Variants in ZBTB16 observed in about 807,000 individuals in gnomAD.
The protein encoded by ZBTB16 is zinc finger and BTB domain containing 16.
Under a neutral mutation model 56.8 loss-of-function variants are expected in ZBTB16, and 8 were observed. That is an observed-to-expected ratio of 0.14 (90% CI 0.08 to 0.25). The LOEUF is 0.25. Ranked by LOEUF, ZBTB16 falls within the 10% of genes least tolerant of loss-of-function variation. ZBTB16 has a pLI of 1.00. For synonymous variants in ZBTB16, 363 were observed against 368.5 expected (o/e 0.98, Z 0.17); for missense variants, 625 against 903.0 (o/e 0.69, Z 3.95).
At chr11:114,247,701 G>T (rs2135212054) in intron 6 of ZBTB16, among the ~76,000 whole-genome samples, 1 of 152,274 alleles carries the variant, frequency 6.6e-6, no homozygotes, top group South Asian at 2.1e-4. Context: ...GGGTAAGTTG[G>T]TCCAATTAGC....
chr11:114,091,735 G>A (rs904783239), intron 2 of ZBTB16, among the ~76,000 whole-genome samples: 5 of 151,594 alleles, frequency 3.3e-5, no homozygotes, highest in South Asian at 2.1e-4. Context: ...TGTATGCGGC[G>A]ACTGAGGGTG....
In ZBTB16 at chr11:114,160,009, T is replaced by G. The variant is rs372071010; in HGVS notation, c.1366+3575T>G. Among the ~76,000 whole-genome samples, 3 of 147,736 alleles carry G rather than the reference T, an allele frequency of 2.0e-5. No homozygotes were observed. The East Asian group carries it at 5.9e-4, about 29-fold the overall frequency. Reference sequence around the variant, plus strand: ...AGTGAGTCCAGGATCTGGGTAGGGGTTGTGGTTGCCCCCCTAAATGTTGCT... The same window carrying G: ...AGTGAGTCCAGGATCTGGGTAGGGGGTGTGGTTGCCCCCCTAAATGTTGCT... On this transcript the variant is annotated intron_variant, in intron 3 of 6. Transcript: ENST00000335953.
chr11:114,252,259 A>T lies in ZBTB16; in HGVS notation c.*1704A>T, dbSNP rs1944930574. ...CTCTGGAGAGAATCCCACCTTTCTT[A>T]CAATTTGCTGGGCCATTGAGGTTTG... is the stretch of plus-strand genomic sequence containing the variant. On this transcript the variant is annotated 3_prime_UTR_variant, in exon 7 of 7. Coordinates refer to ENST00000335953, the MANE Select transcript of ZBTB16 (RefSeq NM_006006.6). Among the ~76,000 whole-genome samples the T allele has an allele frequency of 6.6e-6, 1 of 151,684 alleles. No individual in the cohort carries two copies. Among genetic ancestry groups the T allele is most frequent in the South Asian group, 2.1e-4 (1 of 4,814 alleles).
At chr11:114,222,490 C>T (rs552988154) in intron 4 of ZBTB16, among the ~76,000 whole-genome samples, 4 of 152,038 alleles carry the variant, frequency 2.6e-5, no homozygotes, top group South Asian at 2.1e-4. Context: ...ATGACAAGGA[C>T]GAGGGATCCT....
At chr11:114,248,382 TGC>T (rs1489627039) in intron 6 of ZBTB16, among the ~76,000 whole-genome samples, 7 of 152,202 alleles carry the variant, frequency 4.6e-5, no homozygotes, top group African/African-American at 1.7e-4. Flanking sequence ...CCACCTTAGT[TGC>T]TTAAAATTGG....
intron 4 of ZBTB16, chr11:114,189,177 A>G (rs1591764462): frequency 6.6e-6 from 1 of 152,236 alleles, no homozygotes; most frequent in African/African-American, 2.4e-5. Flanking sequence ...TTTGCAAATC[A>G]TATATTTGAT....
intron 2 of ZBTB16, among the ~76,000 whole-genome samples, chr11:114,123,562 TTTCTGGAAAAGGA>T (rs1267072579): frequency 1.3e-5 from 2 of 152,202 alleles, no homozygotes; most frequent in South Asian, 2.1e-4. Context: ...TAGAGAGGAC[TTTCTGGAAAAGGA>T]ATGTTTGAGG....
At chr11:114,102,599 G>C (rs1940653241) in intron 2 of ZBTB16, among the ~76,000 whole-genome samples, 1 of 134,170 alleles carries the variant, frequency 7.5e-6, no homozygotes, top group African/African-American at 2.8e-5. Flanking sequence ...TGAATCTATT[G>C]GGAAATGCAT....
At chr11:114,100,841 G>A (rs987686145) in intron 2 of ZBTB16, among the ~76,000 whole-genome samples, 4 of 152,120 alleles carry the variant, frequency 2.6e-5, no homozygotes, top group African/African-American at 7.2e-5. Flanking sequence ...AAAGATCAGC[G>A]ATCTACAGCT....
intron 4 of ZBTB16, among the ~76,000 whole-genome samples, chr11:114,240,608 G>A (rs1944682604): frequency 6.6e-6 from 1 of 152,170 alleles, no homozygotes; most frequent in Non-Finnish European, 1.5e-5. Flanking sequence ...CTGCCGGGGA[G>A]CTCCTGTGCT....
intron 2 of ZBTB16, among the ~76,000 whole-genome samples, chr11:114,136,731 C>G (rs1941806863): frequency 6.6e-6 from 1 of 152,030 alleles, no homozygotes; most frequent in Non-Finnish European, 1.5e-5. Context: ...AGGTTTTACT[C>G]TTCGTCACAG....
rs537716017 is a variant in ZBTB16 at position 114,131,716 on chromosome 11, G to A, written c.1269-24621G>A. On this transcript the variant is annotated intron_variant, in intron 2 of 6. Transcript: ENST00000335953. ...CAAACTAAAATGCTCAGAGACTTCC[G>A]GTAGCACTTTCTAATGATGCAGGGT... is the stretch of plus-strand genomic sequence containing the variant. Among the ~76,000 whole-genome samples the A allele has an allele frequency of 2.6e-5, 4 of 152,236 alleles. 1 individual carries two copies. Among genetic ancestry groups the A allele is most frequent in the Admixed American group, 6.5e-5 (1 of 15,290 alleles).
rs200413487 is a variant in ZBTB16, at chr11:114,254,404, GA to G, written c.*3858del. 3.3e-5 allele frequency among the ~76,000 whole-genome samples: 5 copies of G among 150,494 alleles called. No homozygotes were observed. In the South Asian group the frequency reaches 8.4e-4, roughly 25 times the overall value. On this transcript the variant is annotated 3_prime_UTR_variant, in exon 7 of 7. Transcript: ENST00000335953. ...AGTTTTTCCATGTTGAGAAAAAAAA[GA>G]AAAAAAAACTGCTGCAATTTTTCAC...
intron 4 of ZBTB16, among the ~76,000 whole-genome samples, chr11:114,205,835 C>T (rs2135116865): frequency 6.6e-6 from 1 of 152,130 alleles, no homozygotes; most frequent in South Asian, 2.1e-4. Flanking sequence ...TGAAAGCTGC[C>T]CCTTGGGCCC....
intron 2 of ZBTB16, among the ~76,000 whole-genome samples, chr11:114,077,090 A>G (rs1002310106): frequency 2.0e-5 from 3 of 152,168 alleles, no homozygotes; most frequent in Non-Finnish European, 4.4e-5. Flanking sequence ...GCTTCCAGAT[A>G]TGGCCGAGGG....
chr11:114,165,869 C>T (rs374030282), intron 3 of ZBTB16, among the ~76,000 whole-genome samples: 2 of 152,326 alleles, frequency 1.3e-5, no homozygotes, highest in Non-Finnish European at 2.9e-5. Flanking sequence ...TCTGTGCTCA[C>T]AGGCCTCAGG....
At chr11:114,108,507 G>T (rs373252679) in intron 2 of ZBTB16, among the ~76,000 whole-genome samples, 1 of 152,274 alleles carries the variant, frequency 6.6e-6, no homozygotes, top group East Asian at 1.9e-4. Flanking sequence ...AAGGAGTTCT[G>T]TTAACACTGG....
intron 4 of ZBTB16, chr11:114,210,648 C>CGGGGCTTTTTAGAATCT (rs1325497137): frequency 4.5e-6 from 1 of 220,986 alleles, no homozygotes; most frequent in Non-Finnish European, 8.9e-6. Flanking sequence ...CCCCACTTCC[C>CGGGGCTTTTTAGAATCT]TGTTTGCCGG....
intron 4 of ZBTB16, among the ~76,000 whole-genome samples, chr11:114,191,991 T>C (rs1943505914): frequency 6.6e-6 from 1 of 152,178 alleles, no homozygotes; most frequent in South Asian, 2.1e-4. Context: ...ACCACTCCAA[T>C]AGTAGCTTAA....
Sources: gnomAD v4.1 joint callset for allele counts (sites outside exome capture counted in the v4.1 genomes callset) on GRCh38, gnomAD v4.1.1 for gene constraint, MANE v1.5 for transcripts, NCBI Gene and HGNC (gene_info 2026-07-23, HGNC 2026-07-21) for gene names.